The following NAT1 variants were observed in gnomAD, a reference collection of about 807,000 sequenced individuals.
The protein encoded by NAT1 is N-acetyltransferase 1.
For synonymous variants in NAT1, 144 were observed against 122.6 expected (o/e 1.17, Z -1.16); for missense variants, 400 against 339.2 (o/e 1.18, Z -1.41).
rs1365861715 is a variant in NAT1, at chr8:18,211,652, C to T, written c.-86+1472C>T. Among the ~76,000 whole-genome samples, 7 of 152,250 alleles carry T rather than the reference C, an allele frequency of 4.6e-5. No homozygotes were observed. In the South Asian group the frequency reaches 1.5e-3, roughly 32 times the overall value. Reference sequence around the variant, plus strand: ...TGAGTGGCCTTCTGGACAAGAACAACTGTTGAATGATGGTCTTTGGGTGCG... The same window carrying T: ...TGAGTGGCCTTCTGGACAAGAACAATTGTTGAATGATGGTCTTTGGGTGCG... On this transcript the variant is annotated intron_variant, in intron 1 of 2. Transcript: ENST00000307719.
Position 18,222,903 on chromosome 8 carries a change from A to T in NAT1, c.856A>T (p.Arg286Ter), listed in dbSNP as rs751565644. Reference sequence around the variant, plus strand: ...AAAGCTTGTGCCCAAACATGGTGATAGATTTTTTACTATTTAGAATAAGGA... The same window carrying T: ...AAAGCTTGTGCCCAAACATGGTGATTGATTTTTTACTATTTAGAATAAGGA... ...QRKLVPKHGDRFFTI is the reference protein window; with the variant it reads ...QRKLVPKHGD The change falls in exon 3 of 3, where the codon AGA becomes TGA. Residue 286 changes from arginine (R) to a stop codon, truncating the protein, a stop_gained. Transcript: ENST00000307719. LOFTEE classifies it high-confidence loss of function. 1.3e-5 allele frequency: 21 copies of T among 1,557,298 alleles called. No homozygotes were observed. Among genetic ancestry groups the T allele is most frequent in the Non-Finnish European group, 1.6e-5 (19 of 1,159,250 alleles).
In NAT1 at chr8:18,174,367, C is replaced by T. The variant is rs989146050; in HGVS notation, n.92+3628C>T. 4.6e-5 allele frequency among the ~76,000 whole-genome samples: 7 copies of T among 152,222 alleles called. No homozygotes were observed. The South Asian group carries it at 1.0e-3, about 23-fold the overall frequency. On this transcript the variant is annotated intron_variant and non_coding_transcript_variant, in intron 2 of 4. Coordinates refer to the NAT1 transcript ENST00000517441. ...AACACATCATTATTTTAGCTTTCCA[C>T]TCATTCACTGATGTCCCTTCCAGAA... is the stretch of plus-strand genomic sequence containing the variant.
upstream of NAT1, among the ~76,000 whole-genome samples, chr8:18,208,522 A>G (rs887117607): frequency 3.3e-5 from 5 of 152,156 alleles, no homozygotes; most frequent in South Asian, 2.1e-4. Flanking sequence ...ATCCATCATA[A>G]TAGCATCAAA....
At chr8:18,196,020 T>C (rs1803217026) in intron 2 of NAT1, among the ~76,000 whole-genome samples, 1 of 152,080 alleles carries the variant, frequency 6.6e-6, no homozygotes, top group Non-Finnish European at 1.5e-5. Flanking sequence ...GTCTTATAAA[T>C]AGATGGTGGA....
chr8:18,187,354 C>A (rs1802781232), intron 2 of NAT1, among the ~76,000 whole-genome samples: 1 of 152,118 alleles, frequency 6.6e-6, no homozygotes, highest in Non-Finnish European at 1.5e-5. Context: ...TGGGTATATA[C>A]CCAAAGGAAT....
chr8:18,187,122 C>G (rs79069322), intron 2 of NAT1, among the ~76,000 whole-genome samples: 4 of 152,206 alleles, frequency 2.6e-5, no homozygotes, highest in Non-Finnish European at 5.9e-5. Flanking sequence ...TAAGAATAAA[C>G]TTTTGTACTA....
intron 2 of NAT1, among the ~76,000 whole-genome samples, chr8:18,188,778 T>C (rs545432166): frequency 5.2e-4 from 79 of 151,644 alleles, no homozygotes; most frequent in African/African-American, 1.9e-3. Context: ...GGGTGGATCA[T>C]GAGGTTAGGA....
chr8:18,214,783 C>G (rs946096960), intron 1 of NAT1, among the ~76,000 whole-genome samples: 1 of 151,990 alleles, frequency 6.6e-6, no homozygotes, highest in Non-Finnish European at 1.5e-5. Context: ...ATTTTATCAC[C>G]CAGGTATTAA....
intron 2 of NAT1, among the ~76,000 whole-genome samples, chr8:18,178,713 G>C (rs1001675964): frequency 6.6e-6 from 1 of 152,148 alleles, no homozygotes; most frequent in Non-Finnish European, 1.5e-5. Context: ...CTTTGAGAGA[G>C]GAAGGAGTAG....
chr8:18,186,748 G>A (rs976249202), intron 2 of NAT1, among the ~76,000 whole-genome samples: 1 of 152,034 alleles, frequency 6.6e-6, no homozygotes, highest in African/African-American at 2.4e-5. Context: ...ATCGCAACAT[G>A]CCCCTTCCCT....
At chr8:18,183,879 A>G (rs1246879343) in intron 2 of NAT1, among the ~76,000 whole-genome samples, 1 of 152,130 alleles carries the variant, frequency 6.6e-6, no homozygotes, top group African/African-American at 2.4e-5. Flanking sequence ...TGCCTTTCAG[A>G]CACACTTGGG....
rs145939060 is a variant in NAT1, at chr8:18,174,058, G to C, written n.92+3319G>C. On this transcript the variant is annotated intron_variant and non_coding_transcript_variant, in intron 2 of 4. Coordinates refer to the NAT1 transcript ENST00000517441. The stretch of plus-strand genomic sequence containing the variant: ...TGAGTCATCCTCCTTGTGAGGTTCT[G>C]TGTGTGATGAATGGCTCACTGGCGC... Among the ~76,000 whole-genome samples the C allele has an allele frequency of 4.5e-3, 678 of 152,232 alleles. 2 individuals are homozygous for C. The highest frequency in any genetic ancestry group is 0.016 in the African/African-American group (646 of 41,548).
At chr8:18,213,975 G>C (rs1286824579) in intron 1 of NAT1, among the ~76,000 whole-genome samples, 2 of 152,010 alleles carry the variant, frequency 1.3e-5, no homozygotes, top group Admixed American at 1.3e-4. Flanking sequence ...CATTGTGCCT[G>C]GCTAACTTTT....
chr8:18,197,358 C>G, intron 2 of NAT1, among the ~76,000 whole-genome samples: 1 of 152,180 alleles, frequency 6.6e-6, no homozygotes, highest in African/African-American at 2.4e-5. Flanking sequence ...ATACAGCCAT[C>G]GGGGGATAAC....
Position 18,222,215 on chromosome 8 carries a change from T to TGA in NAT1, c.169_170dup (p.Asp57GlufsTer5). 1 of 1,614,140 alleles carries TGA rather than the reference T, an allele frequency of 6.2e-7. No homozygotes were observed. The highest frequency in any genetic ancestry group is 8.5e-7 in the Non-Finnish European group (1 of 1,180,004). On this transcript the variant is annotated frameshift_variant, in exon 3 of 3. Transcript: ENST00000307719. LOFTEE classifies it low-confidence loss of function (END_TRUNC). ...TGGACTTAGGCTTAGAGGCCATTTT[T>TGA]GATCAAGTTGTGAGAAGAAATCGGG...
chr8:18,196,716 G>C (rs1322385026), intron 2 of NAT1, among the ~76,000 whole-genome samples: 1 of 152,216 alleles, frequency 6.6e-6, no homozygotes, highest in African/African-American at 2.4e-5. Context: ...AACCAGCAGG[G>C]AGGGAAGGTG....
intron 2 of NAT1, among the ~76,000 whole-genome samples, chr8:18,220,130 T>G (rs1805133354): frequency 1.3e-5 from 2 of 152,200 alleles, no homozygotes; most frequent in Non-Finnish European, 2.9e-5. Flanking sequence ...ATTGTCTGAC[T>G]AAATACATCT....
intron 2 of NAT1, among the ~76,000 whole-genome samples, chr8:18,198,356 A>C (rs1803319982): frequency 6.6e-6 from 1 of 152,200 alleles, no homozygotes; most frequent in African/African-American, 2.4e-5. Context: ...TAAGTCACTG[A>C]GTTATGAATG....
intron 2 of NAT1, among the ~76,000 whole-genome samples, chr8:18,183,461 A>G (rs1035395936): frequency 3.3e-5 from 5 of 152,182 alleles, no homozygotes; most frequent in African/African-American, 4.8e-5. Context: ...ATGGAAGAAA[A>G]TTTGCAGAAT....
Sources: gnomAD v4.1 joint callset for allele counts (sites outside exome capture counted in the v4.1 genomes callset) on GRCh38, gnomAD v4.1.1 for gene constraint, MANE v1.5 for transcripts, NCBI Gene and HGNC (gene_info 2026-07-23, HGNC 2026-07-21) for gene names.